Variants in MAPK3 observed in about 807,000 individuals in gnomAD.
The protein encoded by MAPK3 is mitogen-activated protein kinase 3.
MAPK3 carries 30 observed loss-of-function variants against 41.8 expected under a neutral mutation model. That is an observed-to-expected ratio of 0.72 (90% CI 0.54 to 0.97). MAPK3 has a LOEUF of 0.97. MAPK3 is among the 50% of genes least tolerant of loss of function. MAPK3 has a pLI of 0.00. For synonymous variants in MAPK3, 222 were observed against 213.4 expected (o/e 1.04, Z -0.35); for missense variants, 413 against 509.9 (o/e 0.81, Z 1.83).
intron 3 of MAPK3, 23 bp downstream of exon 3, chr16:30,118,326 G>A (rs747650820): frequency 1.2e-6 from 2 of 1,604,452 alleles, no homozygotes; most frequent in Non-Finnish European, 1.7e-6. Flanking sequence ...GGGGAGGAGG[G>A]GACAGGTGCC....
chr16:30,115,112 G>T (rs1049312821), intron 8 of MAPK3, among the ~76,000 whole-genome samples: 1 of 151,398 alleles, frequency 6.6e-6, no homozygotes, highest in African/African-American at 2.4e-5. Context: ...GCAATGGCTC[G>T]TCCAGCTAGC....
Position 30,121,983 on chromosome 16 carries a change from T to C in MAPK3, c.194A>G (p.Lys65Arg). Residue 65 changes from lysine (K) to arginine (R), a missense_variant, in exon 2 of 9, where the codon AAG becomes AGG. By Grantham distance (26) the Lys-to-Arg change is conservative. Coordinates refer to ENST00000263025, the MANE Select transcript of MAPK3 (RefSeq NM_002746.3). The stretch of plus-strand genomic sequence containing the variant: ...GATCTTCTTGATGGCCACGCGAGTC[T>C]TGCGCACGTGGTCATAGGCCGAGCT... The part of the protein sequence containing the change: ...MVSSAYDHVR[K>R]TRVAIKKISP... The C allele has an allele frequency of 6.2e-7, 1 of 1,614,140 alleles. No homozygotes were observed. Among genetic ancestry groups the C allele is most frequent in the Non-Finnish European group, 8.5e-7 (1 of 1,180,042 alleles).
chr16:30,118,899 G>A (rs1054910272), intron 2 of MAPK3, among the ~76,000 whole-genome samples: 1 of 152,106 alleles, frequency 6.6e-6, no homozygotes, highest in Non-Finnish European at 1.5e-5. Context: ...AGCACTTTGG[G>A]AGGCTGAGGC....
intron 2 of MAPK3, 105 bp downstream of exon 2, chr16:30,121,719 G>C: frequency 8.2e-7 from 1 of 1,214,386 alleles, no homozygotes; most frequent in South Asian, 1.5e-5. Flanking sequence ...TACTGGGTTT[G>C]TTTTGGAGGG....
chr16:30,121,866 C>G lies in MAPK3; in HGVS notation c.311G>C (p.Arg104Pro), dbSNP rs774690695. ...RFRHENVIGI[R>P]DILRASTLEA... Reference sequence around the variant, plus strand: ...CAGGGTGGACGCCCGCAGAATGTCTCGGATGCCGATGACATTCTCATGGCG... The same window carrying G: ...CAGGGTGGACGCCCGCAGAATGTCTGGGATGCCGATGACATTCTCATGGCG... Residue 104 changes from arginine to proline, a missense_variant, in exon 2 of 9, where the codon CGA becomes CCA. Physicochemically the swap from Arg to Pro is moderately radical, Grantham distance 103. This residue lies in a region of MAPK3 where 140 missense variants were observed against 206.0 expected (regional missense o/e 0.68). Transcript: ENST00000263025. The G allele has an allele frequency of 4.3e-6, 7 of 1,614,128 alleles. No homozygotes were observed. Among genetic ancestry groups the G allele is most frequent in the Non-Finnish European group, 5.9e-6 (7 of 1,180,020 alleles).
In MAPK3 at chr16:30,116,761, G is replaced by A. The variant is rs377259707; in HGVS notation, c.1047C>T (p.Ala349=). ...EPVAEEPFTF[A]MELDDLPKER... is the part of the protein sequence containing the mutation. ...CCTTAGGTAGGTCATCCAGCTCCAT[G>A]GCGAAGGTGAAGGGCTCCTCGGCCA... Residue 349 remains alanine (A), a synonymous_variant, in exon 8 of 9, where the codon GCC becomes GCT. Transcript: ENST00000263025. The A allele has an allele frequency of 6.2e-7, 1 of 1,613,818 alleles. No individual in the cohort carries two copies. Among genetic ancestry groups the A allele is most frequent in the African/African-American group, 1.3e-5 (1 of 74,886 alleles).
intron 2 of MAPK3, 133 bp downstream of exon 2, chr16:30,121,691 C>T (rs1011670952): frequency 1.1e-6 from 1 of 948,852 alleles, no homozygotes; most frequent in Non-Finnish European, 1.6e-6. Flanking sequence ...GGCTTCCCCT[C>T]TGCAGGAAAG....
At position 30,121,896 on chromosome 16, in the gene MAPK3, C is replaced by A. The variant is rs1212630199; in HGVS notation, c.281G>T (p.Arg94Leu). 1.2e-6 allele frequency: 2 copies of A among 1,613,998 alleles called. No homozygotes were observed. Among genetic ancestry groups the A allele is most frequent in the Non-Finnish European group, 1.7e-6 (2 of 1,180,038 alleles). Residue 94 changes from arginine to leucine, a missense_variant, in exon 2 of 9, where the codon CGC becomes CTC. Arg to Leu is a moderately radical substitution (Grantham distance 102). This residue lies in a region of MAPK3 where 140 missense variants were observed against 206.0 expected (regional missense o/e 0.68). Transcript: ENST00000263025. The stretch of plus-strand genomic sequence containing the variant: ...GCCGATGACATTCTCATGGCGGAAG[C>A]GCAGCAGGATCTGGATCTCCCGGAG... ...RTLREIQILLRFRHENVIGIR... is the reference protein window; with the variant it reads ...RTLREIQILLLFRHENVIGIR...
At chr16:30,122,806 A>T in intron 1 of MAPK3, 1 of 401,768 alleles carries the variant, frequency 2.5e-6, no homozygotes, top group Non-Finnish European at 4.4e-6. Flanking sequence ...CCATCATTAC[A>T]GAAGGGTGGA....
intron 8 of MAPK3, among the ~76,000 whole-genome samples, chr16:30,115,275 G>A (rs530461562): frequency 1.3e-5 from 2 of 152,216 alleles, no homozygotes; most frequent in East Asian, 1.9e-4. Context: ...CTGAGGCGCC[G>A]AGAGGTGAGG....
At position 30,116,652 on chromosome 16, in the gene MAPK3, G is replaced by A; in HGVS notation, c.*16C>T. 6.2e-7 allele frequency: 1 copy of A among 1,612,578 alleles called. No homozygotes were observed. Among genetic ancestry groups the A allele is most frequent in the Non-Finnish European group, 8.5e-7 (1 of 1,179,896 alleles). ...GACACTCACCAGGCCCCAGGGTGCA[G>A]AGATGTCTGTCTGGGCTAGGGGGCC... is the stretch of plus-strand genomic sequence containing the variant. On this transcript the variant is annotated 3_prime_UTR_variant, in exon 8 of 9. Coordinates refer to ENST00000263025, the MANE Select transcript of MAPK3 (RefSeq NM_002746.3).
Position 30,117,233 on chromosome 16 carries a change from C to T in MAPK3, c.828G>A (p.Lys276=). 1 of 1,614,110 alleles carries T rather than the reference C, an allele frequency of 6.2e-7. No individual in the cohort carries two copies. The highest frequency in any genetic ancestry group is 8.5e-7 in the Non-Finnish European group (1 of 1,180,006). The change falls in exon 6 of 9, where the codon AAG becomes AAA. Residue 276 remains lysine, a synonymous_variant. Coordinates refer to ENST00000263025, the MANE Select transcript of MAPK3 (RefSeq NM_002746.3). ...GCAGAGACTGTAGGTAGTTTCGGGC[C>T]TTCATGTTGATGATACAATTCAGGT... ...QEDLNCIINM[K]ARNYLQSLPS...
chr16:30,119,923 C>T (rs2072998363), intron 2 of MAPK3, among the ~76,000 whole-genome samples: 1 of 152,228 alleles, frequency 6.6e-6, no homozygotes, highest in Non-Finnish European at 1.5e-5. Context: ...AATCCCAGCT[C>T]TTCAGGAGGC....
chr16:30,119,152 A>T (rs1413163519), intron 2 of MAPK3, among the ~76,000 whole-genome samples: 2 of 125,760 alleles, frequency 1.6e-5, no homozygotes, highest in African/African-American at 5.5e-5. Flanking sequence ...AAAAATAAAT[A>T]AATTAAAAAA....
intron 5 of MAPK3, 70 bp from the exon 6 acceptor site, chr16:30,117,355 A>C: frequency 6.6e-7 from 1 of 1,524,188 alleles, no homozygotes; most frequent in Non-Finnish European, 9.0e-7. Context: ...GCAACAAGGC[A>C]AGAACAAGAC....
At chr16:30,117,439 G>T (rs747941546) in intron 5 of MAPK3, among the ~76,000 whole-genome samples, 154 bp from the exon 6 acceptor site, 1 of 152,132 alleles carries the variant, frequency 6.6e-6, no homozygotes, top group African/African-American at 2.4e-5. Context: ...GAGCAAGGGG[G>T]CTGGGTTCAG....
chr16:30,117,887 A>G, intron 4 of MAPK3, 103 bp from the exon 5 acceptor site: 2 of 1,109,968 alleles, frequency 1.8e-6, no homozygotes, highest in Non-Finnish European at 2.7e-6. Flanking sequence ...ACCAGGCAGA[A>G]GGCAGAGGCC....
chr16:30,118,998 T>C (rs2072988660), intron 2 of MAPK3, among the ~76,000 whole-genome samples: 1 of 151,834 alleles, frequency 6.6e-6, no homozygotes, highest in South Asian at 2.1e-4. Flanking sequence ...CAAAATTAAC[T>C]GGGCACGGCG....
At position 30,116,056 on chromosome 16, in the gene MAPK3, C is replaced by CTTT. The variant is rs542597048; in HGVS notation, c.*32+577_*32+579dup. 393 of 120,202 alleles carry CTTT rather than the reference C, an allele frequency of 3.3e-3. 12 individuals carry two copies. The highest frequency in any genetic ancestry group is 0.015 in the South Asian group (54 of 3,634). The allele number at this position is 120,202 out of a possible 1,614,324, so 7.4% of individuals were successfully genotyped here. A position where few individuals can be genotyped will look rare whatever the true frequency, so the allele number is the denominator to read the frequency against. Reference sequence around the variant, plus strand: ...CAGGCATGAGCCACTGTGCCCAGCCCTTTTTTTTTTTTTTTTGAGAGAGTC... The same window carrying CTTT: ...CAGGCATGAGCCACTGTGCCCAGCCCTTTTTTTTTTTTTTTTTTTGAGAGAGTC... On this transcript the variant is annotated intron_variant, in intron 8 of 8. Coordinates refer to ENST00000263025, the MANE Select transcript of MAPK3 (RefSeq NM_002746.3).
Sources: gnomAD v4.1 joint callset for allele counts (sites outside exome capture counted in the v4.1 genomes callset) on GRCh38, gnomAD v4.1.1 for gene constraint, gnomAD v4.1.1 regional missense constraint, MANE v1.5 for transcripts, NCBI Gene and HGNC (gene_info 2026-07-23, HGNC 2026-07-21) for gene names.